AP4S1: variants seen among roughly 807,000 people sequenced by gnomAD.
AP4S1 encodes AP-4 complex subunit sigma-1.
In AP4S1, 23 loss-of-function variants were observed where a neutral mutation model predicts 19.8. The observed-to-expected ratio is 1.16, with a 90% confidence interval of 0.84 to 1.65. The LOEUF (loss-of-function observed/expected upper bound fraction) is 1.65, where lower values mean the gene tolerates loss of function less well. Among genes scored for constraint, AP4S1 ranks in the 40% most tolerant of loss-of-function variants. The probability of loss-of-function intolerance (pLI) is 0.00; values close to 1 mark genes in which losing one functional copy is unlikely to be tolerated. For missense variants in AP4S1, 166 were observed against 172.8 expected (o/e 0.96, Z 0.22); for synonymous variants, 46 against 54.1 (o/e 0.85, Z 0.66).
intron 1 of AP4S1, among the ~76,000 whole-genome samples, chr14:31,045,960 C>A (rs1248425613): frequency 7.4e-6 from 1 of 134,914 alleles, no homozygotes; most frequent in Non-Finnish European, 1.6e-5. Flanking sequence ...AAAGAAGGAG[C>A]TAGATTTTTT....
At chr14:31,059,622 T>C (rs1347644893) in intron 1 of AP4S1, among the ~76,000 whole-genome samples, 1 of 152,200 alleles carries the variant, frequency 6.6e-6, no homozygotes, top group Non-Finnish European at 1.5e-5. Flanking sequence ...CGTAATTTAC[T>C]GACAATAATT....
intron 5 of AP4S1, chr14:31,084,936 C>T (rs1887854630): frequency 6.2e-7 from 1 of 1,613,366 alleles, no homozygotes; most frequent in Admixed American, 1.7e-5. Context: ...ACACCAACTA[C>T]TCTTCAAATC....
At chr14:31,062,116 G>A (rs1886470176) in intron 1 of AP4S1, among the ~76,000 whole-genome samples, 1 of 151,712 alleles carries the variant, frequency 6.6e-6, no homozygotes, top group African/African-American at 2.4e-5. Context: ...TTTATTTACT[G>A]AGACAGAGTT....
chr14:31,072,288 C>T (rs6571389), intron 3 of AP4S1, among the ~76,000 whole-genome samples: 119,872 of 151,940 alleles, frequency 0.79, 47,522 homozygotes, highest in Admixed American at 0.82. Context: ...GTTGGTGAGG[C>T]TGGTCTTCAA....
At chr14:31,067,524 T>A (rs1886788695) in intron 2 of AP4S1, among the ~76,000 whole-genome samples, 1 of 149,430 alleles carries the variant, frequency 6.7e-6, no homozygotes, top group Non-Finnish European at 1.5e-5. Flanking sequence ...CAATTTTTTT[T>A]TTTTTTTTGA....
At chr14:31,054,778 G>A (rs1313129827) in intron 1 of AP4S1, among the ~76,000 whole-genome samples, 3 of 149,542 alleles carry the variant, frequency 2.0e-5, no homozygotes, top group African/African-American at 7.4e-5. Context: ...TGATGTGGGA[G>A]GATCACCGGA....
intron 5 of AP4S1, among the ~76,000 whole-genome samples, chr14:31,084,199 A>G (rs1887805351): frequency 2.0e-5 from 3 of 152,316 alleles, no homozygotes; most frequent in South Asian, 4.1e-4. Flanking sequence ...GTCAGCCCAC[A>G]TGGGACAGAC....
intron 1 of AP4S1, among the ~76,000 whole-genome samples, chr14:31,028,187 T>A (rs578239681): frequency 2.0e-4 from 31 of 152,006 alleles, no homozygotes; most frequent in Admixed American, 8.5e-4. Context: ...TTATTTATTT[T>A]TTTTTTTTGA....
chr14:31,038,380 A>G (rs190720698), intron 1 of AP4S1, among the ~76,000 whole-genome samples: 39 of 152,330 alleles, frequency 2.6e-4, no homozygotes, highest in Admixed American at 2.2e-3. Context: ...GTTGAGATCA[A>G]TTACAAGTAA....
intron 3 of AP4S1, among the ~76,000 whole-genome samples, chr14:31,071,778 C>T (rs1021194012): frequency 1.3e-5 from 2 of 152,102 alleles, no homozygotes; most frequent in African/African-American, 2.4e-5. Flanking sequence ...GGCACCTTCA[C>T]GTCTCACTGC....
At chr14:31,079,443 G>T (rs1243141119) in intron 4 of AP4S1, among the ~76,000 whole-genome samples, 2 of 151,960 alleles carry the variant, frequency 1.3e-5, no homozygotes, top group Non-Finnish European at 2.9e-5. Flanking sequence ...GAGGGACACG[G>T]CTGCACATTC....
intron 1 of AP4S1, among the ~76,000 whole-genome samples, chr14:31,064,128 C>A (rs1052717209): frequency 3.9e-5 from 6 of 152,172 alleles, no homozygotes; most frequent in African/African-American, 1.4e-4. Context: ...GACATAACAG[C>A]ACAAGCATGA....
upstream of AP4S1, chr14:31,025,215 G>A (rs1422580968): frequency 6.6e-6 from 1 of 152,264 alleles, no homozygotes; most frequent in Non-Finnish European, 1.5e-5. Flanking sequence ...ACTGTAAAAA[G>A]AAAAATTCAG....
chr14:31,026,530 C>T (rs979982245), intron 1 of AP4S1: 6 of 229,018 alleles, frequency 2.6e-5, no homozygotes, highest in Non-Finnish European at 5.1e-5. Context: ...AAATAGAGTC[C>T]GGCCTCACCC....
chr14:31,073,412 C>T lies in AP4S1; in HGVS notation c.294+439C>T, dbSNP rs1444128799. On this transcript the variant is annotated intron_variant, in intron 4 of 5. Transcript: ENST00000542754. ...GGCTGAGGCAGGAGAATGGCGTGAA[C>T]CCGGGAGGCGGAGCTTGCAGTGAGC... Among the ~76,000 whole-genome samples the T allele has an allele frequency of 5.1e-5, 7 of 137,084 alleles. No individual in the cohort carries two copies. The East Asian group carries it at 6.6e-4, about 13-fold the overall frequency. The allele number at this position is 137,084 out of a possible 152,430, so 89.9% of individuals were successfully genotyped here.
chr14:31,082,879 G>C (rs969270479), intron 5 of AP4S1, among the ~76,000 whole-genome samples: 26 of 150,482 alleles, frequency 1.7e-4, no homozygotes, highest in Non-Finnish European at 3.4e-4. Context: ...CTGGGCGACA[G>C]AGCGAGACTC....
rs558651854 is a variant in AP4S1 at position 31,067,379 on chromosome 14, C to T, written c.138+1045C>T. Among the ~76,000 whole-genome samples, 38 of 150,932 alleles carry T rather than the reference C, an allele frequency of 2.5e-4. No homozygotes were observed. The South Asian group carries it at 7.1e-3, about 28-fold the overall frequency. On this transcript the variant is annotated intron_variant, in intron 2 of 5. Coordinates refer to ENST00000542754, the MANE Select transcript of AP4S1 (RefSeq NM_001128126.3). ...TGTTGGTGTGCTGTACCCGTTAACT[C>T]GTCATTTACATTAGGTATATCTCCT...
intron 5 of AP4S1, among the ~76,000 whole-genome samples, chr14:31,082,891 G>C (rs939144478): frequency 7.0e-6 from 1 of 142,996 alleles, no homozygotes; most frequent in Non-Finnish European, 1.5e-5. Context: ...GCGAGACTCC[G>C]TCTCAAAAAA....
chr14:31,085,190 A>C, intron 5 of AP4S1: 1 of 1,130,892 alleles, frequency 8.8e-7, no homozygotes, highest in Non-Finnish European at 1.1e-6. Flanking sequence ...CTCACTATCT[A>C]CTGCTTGACC....
Sources: allele counts gnomAD v4.1 joint callset (sites outside exome capture counted in the v4.1 genomes callset), GRCh38; gene constraint gnomAD v4.1.1; transcripts MANE v1.5; gene names NCBI Gene and HGNC (gene_info 2026-07-23, HGNC 2026-07-21).